The following MMP26 variants were observed in gnomAD, a reference collection of about 807,000 sequenced individuals.
The protein encoded by MMP26 is matrix metalloproteinase-26.
Under a neutral mutation model 31.0 loss-of-function variants are expected in MMP26, and 33 were observed. The observed-to-expected ratio is 1.06, with a 90% CI of 0.81 to 1.42. The LOEUF is 1.42. Among genes scored for constraint, MMP26 ranks in the 40% most tolerant of loss-of-function variants. MMP26 has a pLI of 0.00. For synonymous variants in MMP26, 122 were observed against 114.9 expected (o/e 1.06, Z -0.40); for missense variants, 347 against 316.1 (o/e 1.10, Z -0.74).
In MMP26 at chr11:4,989,609, T is replaced by C. The variant is rs375024896; in HGVS notation, c.100-39T>C. 3 of 1,539,300 alleles carry C rather than the reference T, an allele frequency of 1.9e-6. No individual in the cohort carries two copies. The African/African-American group carries it at 4.1e-5, about 21-fold the overall frequency. On this transcript the variant is annotated intron_variant, in intron 3 of 7. Coordinates refer to ENST00000380390, the MANE Select transcript of MMP26 (RefSeq NM_021801.5). ...GGGTAACTGATATATGGGTCTTCCCTATTGACTCTTAGTACTCATCCTTCT... is the reference window on the plus strand; with the variant it reads ...GGGTAACTGATATATGGGTCTTCCCCATTGACTCTTAGTACTCATCCTTCT...
chr11:4,954,539 A>G (rs1271357276), intron 2 of MMP26, among the ~76,000 whole-genome samples: 1 of 124,936 alleles, frequency 8.0e-6, no homozygotes, highest in African/African-American at 2.7e-5. Flanking sequence ...TTTGTATCAG[A>G]GGTGCTATCA....
rs151152779 is a variant in MMP26 at position 4,987,612 on chromosome 11, G to A, written c.-144-456G>A. Among the ~76,000 whole-genome samples, 1,077 of 151,800 alleles carry A rather than the reference G, an allele frequency of 7.1e-3. 14 individuals are homozygous for A. The highest frequency in any genetic ancestry group is 0.023 in the African/African-American group (946 of 41,432). On this transcript the variant is annotated intron_variant, in intron 2 of 7. Transcript: ENST00000380390. ...TTTGTGTGTTTTTAGTAGAGACGGG[G>A]TTTCACCGTGTTAGCCAGGATGGTC...
chr11:4,769,393 G>A (rs1848679429), intron 2 of MMP26: 3 of 1,613,818 alleles, frequency 1.9e-6, no homozygotes, highest in African/African-American at 1.3e-5. Flanking sequence ...AGTGAGAAAG[G>A]GCATTCATTC....
At chr11:4,807,794 T>C (rs1332723353) in intron 2 of MMP26, among the ~76,000 whole-genome samples, 2 of 152,146 alleles carry the variant, frequency 1.3e-5, no homozygotes, top group African/African-American at 4.8e-5. Context: ...AAAATTTGTT[T>C]ATTTGCTTGT....
chr11:4,803,397 G>T, intron 2 of MMP26: 1 of 1,325,472 alleles, frequency 7.5e-7, no homozygotes, highest in Non-Finnish European at 1.1e-6. Context: ...ACATTAGTGG[G>T]GCAATGTAAG....
intron 2 of MMP26, among the ~76,000 whole-genome samples, chr11:4,939,705 A>G (rs564065278): frequency 2.0e-5 from 3 of 152,232 alleles, no homozygotes; most frequent in Non-Finnish European, 4.4e-5. Flanking sequence ...TGCTTTGTTG[A>G]GAGACTTTTT....
chr11:4,897,650 G>A (rs770361073), intron 2 of MMP26, among the ~76,000 whole-genome samples: 4 of 150,864 alleles, frequency 2.7e-5, no homozygotes, highest in African/African-American at 4.9e-5. Flanking sequence ...TGGCTTCTTA[G>A]CTATACTTGT....
At chr11:4,979,388 T>C (rs1336966129) in intron 2 of MMP26, among the ~76,000 whole-genome samples, 1 of 152,188 alleles carries the variant, frequency 6.6e-6, no homozygotes, top group East Asian at 1.9e-4. Flanking sequence ...GACAGTCACT[T>C]GTTTGAGTAA....
Position 4,950,695 on chromosome 11 carries a change from A to C in MMP26, c.-144-37373A>C, listed in dbSNP as rs1450565208. ...GTTCTCATCAAAAAAAAATATTATT[A>C]TTATATATATCTGACAAATGATATG... is the stretch of plus-strand genomic sequence containing the variant. On this transcript the variant is annotated intron_variant, in intron 2 of 7. Transcript: ENST00000380390. Among the ~76,000 whole-genome samples the C allele has an allele frequency of 2.4e-5, 3 of 122,666 alleles. 1 individual carries two copies. Among genetic ancestry groups the C allele is most frequent in the Admixed American group, 1.8e-4 (2 of 10,866 alleles). 80.5% of individuals were successfully genotyped at this position (122,666 alleles called of 152,430 possible). A position where few individuals can be genotyped will look rare whatever the true frequency, so the allele number is the denominator to read the frequency against.
At chr11:4,741,371 G>A (rs1464276718) in intron 1 of MMP26, among the ~76,000 whole-genome samples, 2 of 152,104 alleles carry the variant, frequency 1.3e-5, no homozygotes, top group Non-Finnish European at 2.9e-5. Flanking sequence ...TTGCAGCACT[G>A]TTTACAATAG....
chr11:4,873,096 A>T (rs1201194013), intron 2 of MMP26, among the ~76,000 whole-genome samples: 1 of 152,046 alleles, frequency 6.6e-6, no homozygotes, highest in Non-Finnish European at 1.5e-5. Context: ...AAACTTCACA[A>T]ATTTGAAGTC....
chr11:4,727,982 A>G (rs1295216048), intron 1 of MMP26, among the ~76,000 whole-genome samples: 2 of 152,216 alleles, frequency 1.3e-5, no homozygotes, highest in Non-Finnish European at 1.5e-5. Flanking sequence ...TATACTCATG[A>G]TCAGTTATTG....
intron 2 of MMP26, among the ~76,000 whole-genome samples, chr11:4,786,548 G>A (rs1280715681): frequency 1.4e-5 from 2 of 141,712 alleles, no homozygotes; most frequent in Admixed American, 7.2e-5. Context: ...GAGATAGGAT[G>A]AGGTAGGATT....
chr11:4,958,318 A>G (rs1167310598), intron 2 of MMP26, among the ~76,000 whole-genome samples: 1 of 152,044 alleles, frequency 6.6e-6, no homozygotes, highest in Non-Finnish European at 1.5e-5. Flanking sequence ...AATAAAGCTC[A>G]CCCTTTTTCT....
intron 1 of MMP26, among the ~76,000 whole-genome samples, 184 bp from the exon 2 acceptor site, chr11:4,767,086 T>G (rs913739622): frequency 6.6e-5 from 10 of 152,138 alleles, no homozygotes; most frequent in Admixed American, 6.5e-4. Context: ...TTTTTAAAGC[T>G]ACTAACACAA....
At chr11:4,977,455 G>A (rs576756095) in intron 2 of MMP26, among the ~76,000 whole-genome samples, 1 of 151,954 alleles carries the variant, frequency 6.6e-6, no homozygotes, top group Non-Finnish European at 1.5e-5. Flanking sequence ...AAATGGGAGG[G>A]GTCATGACTT....
intron 2 of MMP26, chr11:4,944,382 C>T (rs1846262748): frequency 6.3e-6 from 1 of 158,162 alleles, no homozygotes; most frequent in Non-Finnish European, 1.4e-5. Context: ...TAGGAAAAAA[C>T]CTTTTATAAA....
rs1564819722 is a variant in MMP26, at chr11:4,986,932, C to CTCCCCCT, written c.-144-1136_-144-1135insTCCCCCT. 9.9e-5 allele frequency among the ~76,000 whole-genome samples: 6 copies of CTCCCCCT among 60,448 alleles called. No homozygotes were observed. In the South Asian group the frequency reaches 2.0e-3, roughly 21 times the overall value. 39.7% of individuals were successfully genotyped at this position (60,448 alleles called of 152,430 possible). A position where few individuals can be genotyped will look rare whatever the true frequency, so the allele number is the denominator to read the frequency against. ...CTCTCTCTCTCTCTCTCTCTCTCTCCCTCTCTCTCTCTCTCTCTCTCTCTC... is the reference window on the plus strand; with the variant it reads ...CTCTCTCTCTCTCTCTCTCTCTCTCCTCCCCCTCTCTCTCTCTCTCTCTCTCTCTCTC... On this transcript the variant is annotated intron_variant, in intron 2 of 7. Coordinates refer to ENST00000380390, the MANE Select transcript of MMP26 (RefSeq NM_021801.5).
chr11:4,821,557 A>G (rs762504784), intron 2 of MMP26: 8 of 1,612,990 alleles, frequency 5.0e-6, no homozygotes, highest in Non-Finnish European at 6.8e-6. Flanking sequence ...TGGAAATAGC[A>G]TGATCCTGTT....
Sources: allele counts gnomAD v4.1 joint callset (sites outside exome capture counted in the v4.1 genomes callset), GRCh38; gene constraint gnomAD v4.1.1; transcripts MANE v1.5; gene names NCBI Gene and HGNC (gene_info 2026-07-23, HGNC 2026-07-21).